Variants in OPCML observed in about 807,000 individuals in gnomAD.
OPCML encodes opioid-binding protein/cell adhesion molecule.
Under a neutral mutation model 37.8 loss-of-function variants are expected in OPCML, and 13 were observed. That is an observed-to-expected ratio of 0.34 (90% CI 0.22 to 0.55). The LOEUF is 0.55. Ranked by LOEUF, OPCML falls within the 20% of genes least tolerant of loss-of-function variation. The pLI, the probability that OPCML is intolerant of heterozygous loss-of-function variation, is 0.91. For synonymous variants in OPCML, 176 were observed against 168.8 expected (o/e 1.04, Z -0.33); for missense variants, 341 against 435.6 (o/e 0.78, Z 1.93).
rs563671553 is a variant in OPCML, at chr11:132,529,273, T to G, written c.380-87A>C. On this transcript the variant is annotated intron_variant, in intron 3 of 7. Coordinates refer to ENST00000524381, the MANE Select transcript of OPCML (RefSeq NM_001012393.5). ...TTAGCCTACAAATTTTTGTATAGCA[T>G]GTTTTTATAATAAATATTGTTTGCA... 5 of 1,464,114 alleles carry G rather than the reference T, an allele frequency of 3.4e-6. No individual in the cohort carries two copies. In the South Asian group the frequency reaches 7.5e-5, roughly 22 times the overall value. 90.7% of individuals were successfully genotyped at this position (1,464,114 alleles called of 1,614,324 possible). A position where few individuals can be genotyped will look rare whatever the true frequency, so the allele number is the denominator to read the frequency against.
intron 1 of OPCML, among the ~76,000 whole-genome samples, chr11:133,516,385 C>T (rs1197713050): frequency 6.6e-6 from 1 of 152,164 alleles, no homozygotes; most frequent in African/African-American, 2.4e-5. Flanking sequence ...GGCTTCTAGT[C>T]AGTCACACTT....
intron 2 of OPCML, among the ~76,000 whole-genome samples, chr11:132,702,382 T>A (rs1943863254): frequency 6.6e-6 from 1 of 152,202 alleles, no homozygotes; most frequent in Non-Finnish European, 1.5e-5. Flanking sequence ...ACCCCATTCT[T>A]TCCTGGCTGC....
chr11:132,729,167 T>G (rs1469482399), intron 2 of OPCML, among the ~76,000 whole-genome samples: 1 of 152,216 alleles, frequency 6.6e-6, no homozygotes, highest in Non-Finnish European at 1.5e-5. Flanking sequence ...GAACTTTCTG[T>G]GGACTCACTT....
At chr11:133,198,767 A>C (rs1229703047) in intron 1 of OPCML, among the ~76,000 whole-genome samples, 1 of 152,232 alleles carries the variant, frequency 6.6e-6, no homozygotes, top group East Asian at 1.9e-4. Flanking sequence ...GGTAGCAGAC[A>C]TGCTTAGGCC....
intron 1 of OPCML, among the ~76,000 whole-genome samples, chr11:133,335,581 C>T (rs1402205774): frequency 6.6e-6 from 1 of 152,058 alleles, no homozygotes; most frequent in Non-Finnish European, 1.5e-5. Context: ...AAATTGTTTT[C>T]AATGATGGCC....
chr11:132,917,496 C>A (rs7926540), intron 2 of OPCML, among the ~76,000 whole-genome samples: 2 of 151,946 alleles, frequency 1.3e-5, no homozygotes, highest in African/African-American at 4.8e-5. Context: ...TGAAGAGATC[C>A]CAGACAGATC....
chr11:133,399,850 G>A (rs892584299), intron 1 of OPCML, among the ~76,000 whole-genome samples: 34 of 148,336 alleles, frequency 2.3e-4, no homozygotes, highest in Admixed American at 8.1e-4. Context: ...GATTAAGGAA[G>A]CATATATATA....
intron 4 of OPCML, among the ~76,000 whole-genome samples, chr11:132,443,690 T>A (rs897670499): frequency 3.3e-5 from 5 of 152,186 alleles, no homozygotes; most frequent in African/African-American, 1.2e-4. Context: ...CTGCTGGACA[T>A]CCTGTCATGG....
At chr11:132,863,806 C>CTAA (rs1942408853) in intron 2 of OPCML, among the ~76,000 whole-genome samples, 1 of 152,236 alleles carries the variant, frequency 6.6e-6, no homozygotes, top group Non-Finnish European at 1.5e-5. Flanking sequence ...CCCACTCAGT[C>CTAA]TGTTAGCATT....
At chr11:133,202,986 C>T (rs1431977315) in intron 1 of OPCML, among the ~76,000 whole-genome samples, 3 of 152,182 alleles carry the variant, frequency 2.0e-5, no homozygotes, top group Non-Finnish European at 4.4e-5. Context: ...GAGCACGTGA[C>T]CTGAATGAGC....
intron 1 of OPCML, among the ~76,000 whole-genome samples, chr11:133,079,398 G>C (rs931730247): frequency 1.3e-5 from 2 of 152,160 alleles, no homozygotes; most frequent in African/African-American, 2.4e-5. Context: ...AGCTGGAGTA[G>C]ATGGTGCTTC....
At chr11:132,757,606 G>A (rs1224566604) in intron 2 of OPCML, among the ~76,000 whole-genome samples, 1 of 152,166 alleles carries the variant, frequency 6.6e-6, no homozygotes, top group East Asian at 1.9e-4. Flanking sequence ...CTTCTTTTGA[G>A]AAGTGTCTGT....
chr11:132,560,617 G>A (rs1231376853), intron 3 of OPCML, among the ~76,000 whole-genome samples: 3 of 152,078 alleles, frequency 2.0e-5, no homozygotes, highest in Non-Finnish European at 4.4e-5. Flanking sequence ...TTTGATTATG[G>A]CCATTCTTGT....
chr11:133,496,219 G>T (rs1314594626), intron 1 of OPCML, among the ~76,000 whole-genome samples: 3 of 152,084 alleles, frequency 2.0e-5, no homozygotes, highest in Admixed American at 2.0e-4. Flanking sequence ...TAAGTATTTG[G>T]GTTTAATTCT....
At chr11:133,204,576 T>C (rs1473027687) in intron 1 of OPCML, among the ~76,000 whole-genome samples, 1 of 152,010 alleles carries the variant, frequency 6.6e-6, no homozygotes, top group African/African-American at 2.4e-5. Context: ...AAACAGTGAG[T>C]TTCTTGGGTT....
chr11:133,216,896 A>G (rs1344422962), intron 1 of OPCML, among the ~76,000 whole-genome samples: 1 of 152,204 alleles, frequency 6.6e-6, no homozygotes, highest in African/African-American at 2.4e-5. Context: ...AACTATATAT[A>G]CAAATATATG....
chr11:132,546,385 A>G (rs1399946310), intron 3 of OPCML, among the ~76,000 whole-genome samples: 1 of 152,186 alleles, frequency 6.6e-6, no homozygotes, highest in Admixed American at 6.5e-5. Flanking sequence ...CCATCACCCA[A>G]GTAGTATACA....
At chr11:133,139,091 G>A (rs930884566) in intron 1 of OPCML, among the ~76,000 whole-genome samples, 7 of 152,086 alleles carry the variant, frequency 4.6e-5, no homozygotes, top group African/African-American at 1.7e-4. Context: ...TGATTGTCAG[G>A]GTGCCTCCAC....
chr11:132,452,387 C>A (rs920499091), intron 4 of OPCML, among the ~76,000 whole-genome samples: 1 of 152,130 alleles, frequency 6.6e-6, no homozygotes, highest in African/African-American at 2.4e-5. Context: ...TCATTTCCCA[C>A]GATCTCCAAG....
Sources: gnomAD v4.1 joint callset for allele counts (sites outside exome capture counted in the v4.1 genomes callset) on GRCh38, gnomAD v4.1.1 for gene constraint, MANE v1.5 for transcripts, NCBI Gene and HGNC (gene_info 2026-07-23, HGNC 2026-07-21) for gene names.